SLC35F4: variants seen among roughly 807,000 people sequenced by gnomAD.
SLC35F4 encodes chromosome 14 open reading frame 36.
A neutral mutation model predicts 44.2 loss-of-function variants in SLC35F4; 24 were observed. The observed-to-expected ratio is 0.54, with a 90% CI of 0.39 to 0.76. The LOEUF is 0.76. Ranked by LOEUF, SLC35F4 falls within the 30% of genes least tolerant of loss-of-function variation. SLC35F4 has a pLI of 0.00. For missense variants in SLC35F4, 562 were observed against 586.1 expected (o/e 0.96, Z 0.42); for synonymous variants, 238 against 223.6 (o/e 1.06, Z -0.57).
At position 57,961,707 on chromosome 14, in the gene SLC35F4, G is replaced by A. The variant is rs532983784; in HGVS notation, n.282+20206C>T. ...CTTGCCCATGACTTTATGTCCAGCC[G>A]CACTGGAGGCCCATCCCCTGGATCT... On this transcript the variant is annotated intron_variant and non_coding_transcript_variant, in intron 1 of 1. Coordinates refer to the SLC35F4 transcript ENST00000556568. 5.3e-5 allele frequency among the ~76,000 whole-genome samples: 8 copies of A among 152,182 alleles called. No individual in the cohort carries two copies. The South Asian group carries it at 6.2e-4, about 12-fold the overall frequency.
intron 1 of SLC35F4, among the ~76,000 whole-genome samples, chr14:57,811,564 T>A (rs892726693): frequency 6.6e-6 from 1 of 152,204 alleles, no homozygotes; most frequent in East Asian, 1.9e-4. Flanking sequence ...AGCACCTTCA[T>A]AGCTGTTTTC....
In SLC35F4 at chr14:57,794,810, G is replaced by A. The variant is rs143938157; in HGVS notation, c.103+70913C>T. On this transcript the variant is annotated intron_variant, in intron 1 of 7. Transcript: ENST00000556826. The stretch of plus-strand genomic sequence containing the variant: ...ATGTAAATGAAACGACTCGAAAATA[G>A]GTGCTTCATGAGTCCAAGTAAAACA... Among the ~76,000 whole-genome samples the A allele has an allele frequency of 3.0e-3, 451 of 152,114 alleles. 2 individuals carry two copies. Among genetic ancestry groups the A allele is most frequent in the African/African-American group, 0.01 (423 of 41,544 alleles).
intron 1 of SLC35F4, among the ~76,000 whole-genome samples, chr14:57,731,710 G>C (rs2076349142): frequency 6.6e-6 from 1 of 152,178 alleles, no homozygotes; most frequent in Non-Finnish European, 1.5e-5. Flanking sequence ...TAAAGTCAGA[G>C]TTGATTTCTG....
chr14:57,797,568 C>A lies in SLC35F4; in HGVS notation c.103+68155G>T, dbSNP rs1414166688. On this transcript the variant is annotated intron_variant, in intron 1 of 7. Transcript: ENST00000556826. ...ATTAAAACTCTGAAGTACCTTCCAGCTCAAACAGTCTATGAAAAGTAGCTT... is the reference window on the plus strand; with the variant it reads ...ATTAAAACTCTGAAGTACCTTCCAGATCAAACAGTCTATGAAAAGTAGCTT... Among the ~76,000 whole-genome samples the A allele has an allele frequency of 2.0e-5, 3 of 152,206 alleles. No individual in the cohort carries two copies. In the East Asian group the frequency reaches 5.8e-4, roughly 29 times the overall value.
rs1235078377 is a variant in SLC35F4 at position 57,669,362 on chromosome 14, A to G, written c.104-75238T>C. 2.6e-5 allele frequency among the ~76,000 whole-genome samples: 4 copies of G among 152,100 alleles called. No homozygotes were observed. In the East Asian group the frequency reaches 5.8e-4, roughly 22 times the overall value. On this transcript the variant is annotated intron_variant, in intron 1 of 7. Transcript: ENST00000556826. The stretch of plus-strand genomic sequence containing the variant: ...GATTGCCCTGACCAGAACTTCCAAC[A>G]CTATGTTGAATAGGAGTGGTGAGAG...
chr14:57,658,556 T>A (rs1423748549), intron 1 of SLC35F4, among the ~76,000 whole-genome samples: 3 of 152,200 alleles, frequency 2.0e-5, no homozygotes, highest in African/African-American at 7.2e-5. Flanking sequence ...GAGCTATTAA[T>A]CTGTCAGGTT....
At chr14:57,750,088 T>C (rs2076847871) in intron 1 of SLC35F4, among the ~76,000 whole-genome samples, 1 of 152,142 alleles carries the variant, frequency 6.6e-6, no homozygotes, top group Admixed American at 6.5e-5. Context: ...CCACTCTCTA[T>C]GGCCATATGT....
chr14:57,754,709 T>G (rs955182945), intron 1 of SLC35F4, among the ~76,000 whole-genome samples: 1 of 152,210 alleles, frequency 6.6e-6, no homozygotes, highest in African/African-American at 2.4e-5. Flanking sequence ...GTTAGTGTAT[T>G]CCACCTAGCA....
chr14:57,822,453 G>A (rs1163621705), intron 1 of SLC35F4, among the ~76,000 whole-genome samples: 1 of 152,154 alleles, frequency 6.6e-6, no homozygotes, highest in Non-Finnish European at 1.5e-5. Flanking sequence ...CCTATGGGAA[G>A]AAGACAAGGT....
intron 1 of SLC35F4, among the ~76,000 whole-genome samples, chr14:57,633,623 C>G (rs1411853780): frequency 6.6e-6 from 1 of 152,066 alleles, no homozygotes; most frequent in Admixed American, 6.6e-5. Flanking sequence ...GTGTAACCAC[C>G]ACCATAGTAA....
At chr14:57,881,614 T>C (rs1888536258) in intron 1 of SLC35F4, among the ~76,000 whole-genome samples, 1 of 152,204 alleles carries the variant, frequency 6.6e-6, no homozygotes, top group Non-Finnish European at 1.5e-5. Context: ...AGAGTGACTG[T>C]TAAACAAATA....
chr14:57,870,933 G>C (rs1196802797), upstream of SLC35F4, among the ~76,000 whole-genome samples: 4 of 152,234 alleles, frequency 2.6e-5, no homozygotes. Context: ...GTGCTTTGCA[G>C]AAAGAGAAGC....
chr14:57,719,894 A>C (rs1296752377), intron 1 of SLC35F4, among the ~76,000 whole-genome samples: 2 of 152,126 alleles, frequency 1.3e-5, no homozygotes, highest in Non-Finnish European at 2.9e-5. Flanking sequence ...TCCAGATCTA[A>C]GAGGAAAGGC....
chr14:57,602,959 G>A (rs1469012488), intron 1 of SLC35F4, among the ~76,000 whole-genome samples: 1 of 152,056 alleles, frequency 6.6e-6, no homozygotes, highest in Non-Finnish European at 1.5e-5. Context: ...TAAGTCTAAA[G>A]TTGTTTTCCT....
chr14:57,889,701 G>A (rs183617290), intron 1 of SLC35F4, among the ~76,000 whole-genome samples: 1 of 152,312 alleles, frequency 6.6e-6, no homozygotes, highest in East Asian at 1.9e-4. Flanking sequence ...ATATATTGAT[G>A]TAGTTACCCT....
chr14:57,844,444 A>G (rs17093773), intron 1 of SLC35F4, among the ~76,000 whole-genome samples: 10,037 of 152,300 alleles, frequency 0.066, 1,135 homozygotes, highest in African/African-American at 0.23. Flanking sequence ...CAGCATTCCA[A>G]TGATTTAAAT....
chr14:57,866,676 T>C (rs1032813631), upstream of SLC35F4, among the ~76,000 whole-genome samples: 48 of 152,280 alleles, frequency 3.2e-4, 1 homozygote, highest in African/African-American at 1.1e-3. Flanking sequence ...CGTTTATTTT[T>C]CCAATTTCAA....
At chr14:57,711,800 G>A (rs1473593678) in intron 1 of SLC35F4, among the ~76,000 whole-genome samples, 1 of 152,162 alleles carries the variant, frequency 6.6e-6, no homozygotes, top group Non-Finnish European at 1.5e-5. Context: ...CAGCACTACT[G>A]TAAGATCAAA....
At chr14:57,922,762 G>C (rs959282229) in intron 1 of SLC35F4, among the ~76,000 whole-genome samples, 1 of 152,112 alleles carries the variant, frequency 6.6e-6, no homozygotes, top group African/African-American at 2.4e-5. Context: ...TGTGACCTTG[G>C]GAAGTGTCTC....
Sources: gnomAD v4.1 joint callset for allele counts (sites outside exome capture counted in the v4.1 genomes callset) on GRCh38, gnomAD v4.1.1 for gene constraint, MANE v1.5 for transcripts, NCBI Gene and HGNC (gene_info 2026-07-23, HGNC 2026-07-21) for gene names.